ARHGEF17: variants seen among roughly 807,000 people sequenced by gnomAD.
The protein encoded by ARHGEF17 is Rho guanine nucleotide exchange factor 17.
ARHGEF17 carries 80 observed loss-of-function variants against 174.0 expected under a neutral mutation model. The observed-to-expected ratio is 0.46, with a 90% CI of 0.38 to 0.55. The LOEUF is 0.55. ARHGEF17 is among the 20% of genes least tolerant of loss of function. The probability of loss-of-function intolerance (pLI) is 0.00; values close to 1 mark genes in which losing one functional copy is unlikely to be tolerated. For synonymous variants in ARHGEF17, 1,311 were observed against 1,189.1 expected (o/e 1.10, Z -2.11); for missense variants, 2,886 against 2,839.7 (o/e 1.02, Z -0.37).
At position 73,361,916 on chromosome 11, in the gene ARHGEF17, G is replaced by T. The variant is rs1429894267; in HGVS notation, c.4495-124G>T. 11 of 1,066,246 alleles carry T rather than the reference G, an allele frequency of 1.0e-5. No homozygotes were observed. The East Asian group carries it at 2.8e-4, about 28-fold the overall frequency. 66.0% of individuals were successfully genotyped at this position (1,066,246 alleles called of 1,614,324 possible). A position where few individuals can be genotyped will look rare whatever the true frequency, so the allele number is the denominator to read the frequency against. ...ACGCGTGTGTAGAAGGGTGTATAGGGCATCCACACACACACACCCATGCAG... is the reference window on the plus strand; with the variant it reads ...ACGCGTGTGTAGAAGGGTGTATAGGTCATCCACACACACACACCCATGCAG... On this transcript the variant is annotated intron_variant, in intron 12 of 20. Coordinates refer to ENST00000263674, the MANE Select transcript of ARHGEF17 (RefSeq NM_014786.4).
At position 73,340,453 on chromosome 11, in the gene ARHGEF17, G is replaced by C. The variant is rs1030732351; in HGVS notation, c.3193-6430G>C. 4.6e-5 allele frequency among the ~76,000 whole-genome samples: 7 copies of C among 152,172 alleles called. No individual in the cohort carries two copies. In the East Asian group the frequency reaches 1.3e-3, roughly 29 times the overall value. On this transcript the variant is annotated intron_variant, in intron 1 of 20. Coordinates refer to ENST00000263674, the MANE Select transcript of ARHGEF17 (RefSeq NM_014786.4). ...CTGAATACTTTCCCCTGAAGCAGCA[G>C]TGACTCCCTCTGCTGAGCCCTATGA...
At chr11:73,329,344 TATATATATATATATATATATA>T (rs1865156205) in intron 1 of ARHGEF17, among the ~76,000 whole-genome samples, 10 of 36,304 alleles carry the variant, frequency 2.8e-4, no homozygotes, top group African/African-American at 1.8e-3. Context: ...TATATATATA[TATATATATATATATATATATA>T]TATATATATT....
chr11:73,356,074 G>T (rs1221459215), intron 5 of ARHGEF17, 101 bp from the exon 6 acceptor site: 1 of 1,575,254 alleles, frequency 6.3e-7, no homozygotes, highest in Non-Finnish European at 8.7e-7. Flanking sequence ...AGGTAGGAAA[G>T]ATAGTCCTCT....
Position 73,309,049 on chromosome 11 carries a change from C to T in ARHGEF17, c.411C>T (p.Gly137=). 6.7e-7 allele frequency: 1 copy of T among 1,483,032 alleles called. No individual in the cohort carries two copies. The highest frequency in any genetic ancestry group is 8.9e-7 in the Non-Finnish European group (1 of 1,121,742). The allele number at this position is 1,483,032 out of a possible 1,614,324, so 91.9% of individuals were successfully genotyped here. ...TEMRKLFGGP[G]SRRPSADSES... ...TGCGCAAGCTCTTCGGCGGTCCTGG[C>T]TCCAGGAGGCCCAGCGCCGACTCTG... The change falls in exon 1 of 21, where the codon GGC becomes GGT. Residue 137 remains glycine, a synonymous_variant. Coordinates refer to ENST00000263674, the MANE Select transcript of ARHGEF17 (RefSeq NM_014786.4).
chr11:73,324,657 A>G (rs1030833996), intron 1 of ARHGEF17, among the ~76,000 whole-genome samples: 2 of 152,210 alleles, frequency 1.3e-5, no homozygotes, highest in Admixed American at 6.5e-5. Flanking sequence ...TCAGACCCAG[A>G]TGGTCTGGCT....
chr11:73,312,244 G>C (rs970159893), intron 1 of ARHGEF17, among the ~76,000 whole-genome samples: 7 of 152,198 alleles, frequency 4.6e-5, no homozygotes, highest in Non-Finnish European at 8.8e-5. Context: ...CCAGACCCTT[G>C]ATAGGATGTT....
intron 3 of ARHGEF17, among the ~76,000 whole-genome samples, chr11:73,354,972 TAGG>T (rs1484121462): frequency 1.3e-5 from 2 of 152,322 alleles, no homozygotes; most frequent in East Asian, 3.9e-4. Flanking sequence ...GAACTTGTCC[TAGG>T]AGATCAGGAG....
Position 73,359,877 on chromosome 11 carries a change from C to G in ARHGEF17, c.4131C>G (p.Ile1377Met), listed in dbSNP as rs1565207932. 1 of 1,613,488 alleles carries G rather than the reference C, an allele frequency of 6.2e-7. No homozygotes were observed. The highest frequency in any genetic ancestry group is 8.5e-7 in the Non-Finnish European group (1 of 1,179,690). ...ATNRENIQKA[I>M]SRLDEDLTTL... ...ATCGGGAGAACATCCAGAAGGCCAT[C>G]AGCCGCCTTGATGAGGACCTCACCA... The change falls in exon 10 of 21, where the codon ATC becomes ATG. Residue 1377 changes from isoleucine to methionine, a missense_variant. Transcript: ENST00000263674.
intron 1 of ARHGEF17, chr11:73,343,223 C>T (rs1270591216): frequency 1.0e-5 from 4 of 398,350 alleles, no homozygotes; most frequent in East Asian, 7.1e-5. Flanking sequence ...CCGCCGCCTC[C>T]GGGGAGCCTG....
intron 1 of ARHGEF17, among the ~76,000 whole-genome samples, chr11:73,330,328 A>G (rs1187420364): frequency 2.6e-5 from 4 of 152,208 alleles, no homozygotes; most frequent in Admixed American, 6.5e-5. Flanking sequence ...CATAGTTAGA[A>G]AGGCCTTTCC....
chr11:73,311,616 G>A lies in ARHGEF17; in HGVS notation c.2978G>A (p.Arg993Gln), dbSNP rs757537048. The change falls in exon 1 of 21, where the codon CGA becomes CAA. Residue 993 changes from arginine to glutamine, a missense_variant. By Grantham distance (43) the Arg-to-Gln change is conservative (BLOSUM62 1). Coordinates refer to ENST00000263674, the MANE Select transcript of ARHGEF17 (RefSeq NM_014786.4). ...CCAGAACCCATAGGCTTCCCTACCC[G>A]AGCCCATCCCACGTTGCAGGCACCA... ...AVPEPIGFPT[R>Q]AHPTLQAPSL... is the part of the protein sequence containing the mutation. 24 of 1,613,118 alleles carry A rather than the reference G, an allele frequency of 1.5e-5. No homozygotes were observed. The highest frequency in any genetic ancestry group is 2.2e-5 in the East Asian group (1 of 44,906).
Position 73,352,828 on chromosome 11 carries a change from A to G in ARHGEF17, c.3271-2A>G. 1 of 1,613,796 alleles carries G rather than the reference A, an allele frequency of 6.2e-7. No homozygotes were observed. The highest frequency in any genetic ancestry group is 8.5e-7 in the Non-Finnish European group (1 of 1,180,008). ...TGTGCACCGACCCTGTGGGTCCTTC[A>G]GGGCTACATGCAGCCGCTGAAGCAG... On this transcript the variant is annotated splice_acceptor_variant, in intron 2 of 20. Coordinates refer to ENST00000263674, the MANE Select transcript of ARHGEF17 (RefSeq NM_014786.4). LOFTEE classifies it high-confidence loss of function.
At chr11:73,364,696 C>T in intron 18 of ARHGEF17, 96 bp downstream of exon 18, 1 of 1,468,070 alleles carries the variant, frequency 6.8e-7, no homozygotes, top group South Asian at 1.4e-5. Context: ...AAGCAGCATC[C>T]AGCAGAGGGC....
intron 2 of ARHGEF17, among the ~76,000 whole-genome samples, chr11:73,348,393 C>A: frequency 6.6e-6 from 1 of 152,010 alleles, no homozygotes; most frequent in East Asian, 1.9e-4. Context: ...TGTGGTGATG[C>A]AGAAGTGCAC....
Position 73,309,988 on chromosome 11 carries a change from A to T in ARHGEF17, c.1350A>T (p.Gly450=). The T allele has an allele frequency of 6.2e-7, 1 of 1,613,982 alleles. No homozygotes were observed. Among genetic ancestry groups the T allele is most frequent in the Non-Finnish European group, 8.5e-7 (1 of 1,179,982 alleles). The change falls in exon 1 of 21, where the codon GGA becomes GGT. Residue 450 remains glycine, a synonymous_variant. Transcript: ENST00000263674. ...GGTSRALRDG[G]FEPEKSRQRK... ...CCTCTAGGGCATTGAGGGATGGAGG[A>T]TTTGAGCCTGAAAAGAGTCGACAGC...
chr11:73,316,814 A>G (rs1591720432), intron 1 of ARHGEF17, among the ~76,000 whole-genome samples: 1 of 152,336 alleles, frequency 6.6e-6, no homozygotes, highest in Admixed American at 6.5e-5. Flanking sequence ...TTAAGCATTC[A>G]CAGGTCTGCT....
chr11:73,309,623 C>A lies in ARHGEF17; in HGVS notation c.985C>A (p.Pro329Thr), dbSNP rs1391073734. 1 of 1,613,076 alleles carries A rather than the reference C, an allele frequency of 6.2e-7. No individual in the cohort carries two copies. The highest frequency in any genetic ancestry group is 8.5e-7 in the Non-Finnish European group (1 of 1,180,004). ...AGCAGGGGTTTCTGGGAGCCCTGAGCCCCCAACATCTCCAAGAGCCCCTAG... is the reference window on the plus strand; with the variant it reads ...AGCAGGGGTTTCTGGGAGCCCTGAGACCCCAACATCTCCAAGAGCCCCTAG... ...NSAGVSGSPE[P>T]PTSPRAPREE... The change falls in exon 1 of 21, where the codon CCC becomes ACC. Residue 329 changes from proline (P) to threonine (T), a missense_variant. Pro to Thr is a conservative substitution (Grantham distance 38). Coordinates refer to ENST00000263674, the MANE Select transcript of ARHGEF17 (RefSeq NM_014786.4).
intron 1 of ARHGEF17, among the ~76,000 whole-genome samples, chr11:73,326,767 C>A (rs1218774579): frequency 6.6e-6 from 1 of 152,116 alleles, no homozygotes; most frequent in Non-Finnish European, 1.5e-5. Context: ...AATAGTGGAA[C>A]CTTTTCTTCT....
chr11:73,336,276 C>G (rs950711952), intron 1 of ARHGEF17, among the ~76,000 whole-genome samples: 5 of 152,206 alleles, frequency 3.3e-5, no homozygotes, highest in African/African-American at 1.2e-4. Flanking sequence ...GAATACATAA[C>G]TCAGAGGACT....
Sources: gnomAD v4.1 joint callset for allele counts (sites outside exome capture counted in the v4.1 genomes callset) on GRCh38, gnomAD v4.1.1 for gene constraint, MANE v1.5 for transcripts, NCBI Gene and HGNC (gene_info 2026-07-23, HGNC 2026-07-21) for gene names.